HACD2: variants seen among roughly 807,000 people sequenced by gnomAD.
The protein encoded by HACD2 is 3-hydroxyacyl-CoA dehydratase 2.
HACD2 carries 15 observed loss-of-function variants against 31.0 expected under a neutral mutation model. That is an observed-to-expected ratio of 0.48 (90% CI 0.32 to 0.75). The LOEUF (loss-of-function observed/expected upper bound fraction) is 0.75, where lower values mean the gene tolerates loss of function less well. Ranked by LOEUF, HACD2 falls within the 30% of genes least tolerant of loss-of-function variation. The pLI, the probability that HACD2 is intolerant of heterozygous loss-of-function variation, is 0.03. For synonymous variants in HACD2, 115 were observed against 122.2 expected (o/e 0.94, Z 0.39); for missense variants, 283 against 313.0 (o/e 0.90, Z 0.72).
At chr3:123,519,476 C>T (rs1171577767) in intron 4 of HACD2, among the ~76,000 whole-genome samples, 2 of 152,180 alleles carry the variant, frequency 1.3e-5, no homozygotes, top group African/African-American at 4.8e-5. Context: ...AATGGAAATA[C>T]ACTGTATGGA....
chr3:123,567,276 T>C (rs1183117407), intron 3 of HACD2, among the ~76,000 whole-genome samples: 4 of 152,238 alleles, frequency 2.6e-5, no homozygotes, highest in African/African-American at 9.6e-5. Flanking sequence ...TATCTGCTTT[T>C]AGTAGAAATC....
In HACD2 at chr3:123,494,674, T is replaced by G. The variant is rs2055811274; in HGVS notation, c.*214A>C. 3.5e-6 allele frequency: 2 copies of G among 563,384 alleles called. No individual in the cohort carries two copies. Among genetic ancestry groups the G allele is most frequent in the South Asian group, 4.3e-5 (2 of 46,190 alleles). The allele number at this position is 563,384 out of a possible 1,614,324, so 34.9% of individuals were successfully genotyped here. On this transcript the variant is annotated 3_prime_UTR_variant, in exon 7 of 7. Transcript: ENST00000383657. ...AGAACTTCTGGTTGAAAGAGCATGC[T>G]GAAATGAACTGGCCAGGGTGTTTTA...
intron 3 of HACD2, among the ~76,000 whole-genome samples, chr3:123,543,260 C>T (rs2056516077): frequency 6.6e-6 from 1 of 152,140 alleles, no homozygotes; most frequent in Admixed American, 6.5e-5. Context: ...AGAGGTATTG[C>T]TGTCTGATTT....
chr3:123,557,746 T>C (rs924202845), intron 3 of HACD2, among the ~76,000 whole-genome samples: 2 of 152,162 alleles, frequency 1.3e-5, no homozygotes, highest in African/African-American at 2.4e-5. Flanking sequence ...TACACACCTA[T>C]TAGAAGGGTC....
At chr3:123,506,008 G>A (rs2055971161) in intron 4 of HACD2, among the ~76,000 whole-genome samples, 1 of 152,228 alleles carries the variant, frequency 6.6e-6, no homozygotes, top group Non-Finnish European at 1.5e-5. Context: ...GGCCTGGGGC[G>A]GCCAGGGCTG....
At position 123,542,165 on chromosome 3, in the gene HACD2, A is replaced by AG. The variant is rs1156509985; in HGVS notation, c.293-13692_293-13691insC. On this transcript the variant is annotated intron_variant, in intron 3 of 6. Coordinates refer to ENST00000383657, the MANE Select transcript of HACD2 (RefSeq NM_198402.5). ...CCGTCTCAAAAAAAAAAAAAAAAAA[A>AG]AAAAAAGAATACAAATTGTTTTTAT... Among the ~76,000 whole-genome samples, 1,137 of 148,336 alleles carry AG rather than the reference A, an allele frequency of 7.7e-3. 31 individuals carry two copies. The highest frequency in any genetic ancestry group is 0.027 in the African/African-American group (1,069 of 39,560).
intron 3 of HACD2, among the ~76,000 whole-genome samples, chr3:123,564,326 G>A (rs2056768798): frequency 6.6e-6 from 1 of 152,194 alleles, no homozygotes; most frequent in Admixed American, 6.5e-5. Flanking sequence ...CAGAGGTTAT[G>A]TTCAGTCAGA....
At chr3:123,555,078 T>C (rs574159016) in intron 3 of HACD2, among the ~76,000 whole-genome samples, 1 of 152,128 alleles carries the variant, frequency 6.6e-6, no homozygotes, top group African/African-American at 2.4e-5. Flanking sequence ...ACAGAAGAAC[T>C]TAAAAAAATA....
intron 2 of HACD2, among the ~76,000 whole-genome samples, chr3:123,571,489 C>T (rs2056855183): frequency 6.6e-6 from 1 of 152,160 alleles, no homozygotes; most frequent in Non-Finnish European, 1.5e-5. Flanking sequence ...TTCAGCAGGC[C>T]ACTCTGGCTT....
At chr3:123,573,609 C>T (rs866529822) in intron 2 of HACD2, among the ~76,000 whole-genome samples, 2 of 152,134 alleles carry the variant, frequency 1.3e-5, no homozygotes, top group African/African-American at 2.4e-5. Flanking sequence ...CCATTTGACT[C>T]GCACACTAAA....
At position 123,579,456 on chromosome 3, in the gene HACD2, C is replaced by T. The variant is rs55987721; in HGVS notation, c.273+2756G>A. 3.5e-3 allele frequency among the ~76,000 whole-genome samples: 530 copies of T among 151,442 alleles called. 4 individuals are homozygous for T. Among genetic ancestry groups the T allele is most frequent in the Non-Finnish European group, 5.4e-3 (369 of 67,870 alleles). On this transcript the variant is annotated intron_variant, in intron 2 of 6. Coordinates refer to ENST00000383657, the MANE Select transcript of HACD2 (RefSeq NM_198402.5). The stretch of plus-strand genomic sequence containing the variant: ...GGACTACAGGTACCCACCACCCAGC[C>T]CAGCTAAAAAAAAAAAAATTTTTTT...
chr3:123,526,689 T>C (rs946792400), intron 4 of HACD2, among the ~76,000 whole-genome samples: 1 of 152,172 alleles, frequency 6.6e-6, no homozygotes, highest in Non-Finnish European at 1.5e-5. Flanking sequence ...AAACCGTCTG[T>C]TATATGTTAA....
intron 4 of HACD2, among the ~76,000 whole-genome samples, chr3:123,526,648 AC>A (rs2056287891): frequency 6.6e-6 from 1 of 152,210 alleles, no homozygotes; most frequent in Admixed American, 6.5e-5. Context: ...ATAACAAATT[AC>A]TGTAAAGCTC....
At chr3:123,580,926 G>A (rs2056959485) in intron 2 of HACD2, among the ~76,000 whole-genome samples, 1 of 146,580 alleles carries the variant, frequency 6.8e-6, no homozygotes, top group African/African-American at 2.5e-5. Flanking sequence ...CGTGATCTCA[G>A]CTCACTGCAA....
At chr3:123,521,479 G>A (rs1419651179) in intron 4 of HACD2, among the ~76,000 whole-genome samples, 1 of 151,988 alleles carries the variant, frequency 6.6e-6, no homozygotes, top group African/African-American at 2.4e-5. Flanking sequence ...TTCCTCTCCT[G>A]AATGAGATTT....
intron 3 of HACD2, among the ~76,000 whole-genome samples, chr3:123,543,400 C>T (rs1032923495): frequency 1.3e-5 from 2 of 151,182 alleles, no homozygotes; most frequent in African/African-American, 2.5e-5. Flanking sequence ...CCTGAAAACT[C>T]GTAAATCAAG....
rs1231524663 is a variant in HACD2 at position 123,502,925 on chromosome 3, G to A, written c.382-244C>T. On this transcript the variant is annotated intron_variant, in intron 4 of 6. Coordinates refer to ENST00000383657, the MANE Select transcript of HACD2 (RefSeq NM_198402.5). ...CCAGGAGTGAGAGCAGCAGGGTGGG[G>A]GTAACAAACACGAGGGGTGGGGATT... 1.2e-5 allele frequency: 5 copies of A among 420,392 alleles called. No homozygotes were observed. In the East Asian group the frequency reaches 1.5e-4, roughly 13 times the overall value. 26.0% of individuals were successfully genotyped at this position (420,392 alleles called of 1,614,324 possible).
intron 6 of HACD2, among the ~76,000 whole-genome samples, chr3:123,498,362 T>TA (rs2107678017): frequency 6.6e-6 from 1 of 152,280 alleles, no homozygotes; most frequent in Admixed American, 6.5e-5. Context: ...TTACTTAAGG[T>TA]AAAGAAAGCA....
chr3:123,528,006 C>A (rs145125227), intron 4 of HACD2, among the ~76,000 whole-genome samples: 2 of 152,220 alleles, frequency 1.3e-5, no homozygotes, highest in East Asian at 3.9e-4. Context: ...TGCCTGAAAT[C>A]CTAGAATTTG....
Sources: allele counts gnomAD v4.1 joint callset (sites outside exome capture counted in the v4.1 genomes callset), GRCh38; gene constraint gnomAD v4.1.1; transcripts MANE v1.5; gene names NCBI Gene and HGNC (gene_info 2026-07-23, HGNC 2026-07-21).